Variants in BRINP1 observed in about 807,000 individuals in gnomAD.
BRINP1 encodes the protein BMP/retinoic acid inducible neural specific 1.
BRINP1 carries 17 observed loss-of-function variants against 72.9 expected under a neutral mutation model. The ratio of observed to expected loss-of-function variants is 0.23; its 90% CI spans 0.16 to 0.35. BRINP1 has a LOEUF of 0.35. Among genes scored for constraint, BRINP1 ranks in the 10% least tolerant of loss-of-function variants. The probability of loss-of-function intolerance (pLI) is 1.00; values close to 1 mark genes in which losing one functional copy is unlikely to be tolerated. For missense variants in BRINP1, 850 were observed against 1,001.6 expected, an observed-to-expected ratio of 0.85 and a Z score of 2.04; for synonymous variants, 418 against 378.5, an observed-to-expected ratio of 1.10 and a Z score of -1.21.
chr9:119,256,294 T>C (rs1246081727), intron 2 of BRINP1, among the ~76,000 whole-genome samples: 1 of 152,142 alleles, frequency 6.6e-6, no homozygotes. Flanking sequence ...AGCAGCTACA[T>C]TGGAAAGCTG....
intron 2 of BRINP1, among the ~76,000 whole-genome samples, chr9:119,280,480 G>A (rs927088581): frequency 2.6e-5 from 4 of 151,168 alleles, no homozygotes; most frequent in East Asian, 1.9e-4. Context: ...TCCTGACCTC[G>A]TGATCCGCCT....
chr9:119,268,285 T>TAGATAGATAGAC (rs371343100), intron 2 of BRINP1, among the ~76,000 whole-genome samples: 46,450 of 148,468 alleles, frequency 0.31, 8,480 homozygotes, highest in East Asian at 0.52. Context: ...GATAGATAGA[T>TAGATAGATAGAC]AGATAGATAG....
At chr9:119,226,420 C>G (rs548597284) in intron 5 of BRINP1, among the ~76,000 whole-genome samples, 1 of 152,108 alleles carries the variant, frequency 6.6e-6, no homozygotes, top group South Asian at 2.1e-4. Context: ...GCGTACTTGG[C>G]CACAAGTTTA....
At position 119,196,322 on chromosome 9, in the gene BRINP1, A is replaced by G. The variant is rs191739486; in HGVS notation, c.1145+12397T>C. ...TCCAGGTGACGGTGATGCCAATCCCAGTTTGGGAAGCAGTGCTTTAATCCA... is the reference window on the plus strand; with the variant it reads ...TCCAGGTGACGGTGATGCCAATCCCGGTTTGGGAAGCAGTGCTTTAATCCA... On this transcript the variant is annotated intron_variant, in intron 7 of 7. Transcript: ENST00000265922. Among the ~76,000 whole-genome samples, 535 of 152,300 alleles carry G rather than the reference A, an allele frequency of 3.5e-3. 5 individuals carry two copies. Among genetic ancestry groups the G allele is most frequent in the Non-Finnish European group, 4.6e-3 (316 of 68,018 alleles).
chr9:119,331,460 G>C (rs973711747), intron 1 of BRINP1, among the ~76,000 whole-genome samples: 21 of 152,338 alleles, frequency 1.4e-4, no homozygotes, highest in African/African-American at 5.1e-4. Flanking sequence ...AGCACACAGA[G>C]CCCAAAGAAA....
intron 2 of BRINP1, among the ~76,000 whole-genome samples, chr9:119,275,414 G>A (rs942081495): frequency 7.2e-5 from 11 of 152,068 alleles, no homozygotes; most frequent in African/African-American, 1.4e-4. Context: ...CTTTGACACC[G>A]TCCATCACAG....
chr9:119,187,106 C>G (rs1829631001), intron 7 of BRINP1, among the ~76,000 whole-genome samples: 1 of 151,742 alleles, frequency 6.6e-6, no homozygotes. Context: ...TACTGAAGTG[C>G]CTTGGAATCG....
intron 1 of BRINP1, among the ~76,000 whole-genome samples, chr9:119,367,815 A>G (rs764481344): frequency 2.9e-4 from 43 of 150,490 alleles, no homozygotes; most frequent in Non-Finnish European, 5.2e-4. Context: ...GTACTGAAAC[A>G]CTCTCTCTCT....
At chr9:119,254,400 C>T (rs1270004893) in intron 2 of BRINP1, among the ~76,000 whole-genome samples, 1 of 151,884 alleles carries the variant, frequency 6.6e-6, no homozygotes, top group Non-Finnish European at 1.5e-5. Flanking sequence ...GAGGGAGGGA[C>T]CATAGGGCCA....
chr9:119,223,189 A>T (rs1348225123), intron 5 of BRINP1, among the ~76,000 whole-genome samples: 1 of 152,122 alleles, frequency 6.6e-6, no homozygotes, highest in Non-Finnish European at 1.5e-5. Flanking sequence ...CTTCTTTCAT[A>T]AAGCTAGTGT....
intron 1 of BRINP1, among the ~76,000 whole-genome samples, chr9:119,366,249 G>A (rs1831689847): frequency 3.3e-5 from 5 of 152,100 alleles, no homozygotes; most frequent in Admixed American, 1.3e-4. Flanking sequence ...TTAATGTCTA[G>A]GGGTGAGATT....
intron 1 of BRINP1, among the ~76,000 whole-genome samples, chr9:119,345,520 A>T (rs919800165): frequency 7.2e-5 from 11 of 152,154 alleles, no homozygotes; most frequent in Non-Finnish European, 1.5e-5. Flanking sequence ...TTGCTACCCC[A>T]TCTTACTGTC....
intron 7 of BRINP1, among the ~76,000 whole-genome samples, chr9:119,176,681 T>C (rs1056485873): frequency 6.6e-6 from 1 of 152,148 alleles, no homozygotes; most frequent in Non-Finnish European, 1.5e-5. Context: ...CACAGAGCAA[T>C]TACGGAAAAG....
chr9:119,283,360 C>CT, intron 2 of BRINP1: 1 of 175,374 alleles, frequency 5.7e-6, no homozygotes, highest in South Asian at 1.9e-4. Context: ...TTGGCAAGCC[C>CT]TCTTGCTAAC....
chr9:119,295,766 G>C (rs538112097), intron 2 of BRINP1, among the ~76,000 whole-genome samples: 12 of 152,210 alleles, frequency 7.9e-5, no homozygotes, highest in African/African-American at 2.9e-4. Context: ...TTCAACAAGG[G>C]TTCCAACCAC....
At chr9:119,346,203 A>G (rs1156768925) in intron 1 of BRINP1, among the ~76,000 whole-genome samples, 1 of 152,220 alleles carries the variant, frequency 6.6e-6, no homozygotes, top group Non-Finnish European at 1.5e-5. Flanking sequence ...ATGACCTACT[A>G]TGGGCAAGAC....
At chr9:119,338,910 C>A (rs567576184) in intron 1 of BRINP1, among the ~76,000 whole-genome samples, 165 of 143,296 alleles carry the variant, frequency 1.2e-3, no homozygotes, top group East Asian at 2.2e-3. Context: ...CAAAAAAAAA[C>A]AACAACAAAA....
intron 2 of BRINP1, among the ~76,000 whole-genome samples, chr9:119,287,115 G>T (rs1409366899): frequency 3.3e-5 from 5 of 150,752 alleles, no homozygotes; most frequent in Non-Finnish European, 5.9e-5. Context: ...CTTCTCTAAG[G>T]GTATCCCATC....
At chr9:119,201,097 C>T (rs1330082043) in intron 7 of BRINP1, among the ~76,000 whole-genome samples, 3 of 152,054 alleles carry the variant, frequency 2.0e-5, no homozygotes, top group Non-Finnish European at 4.4e-5. Context: ...TAAGTAGTAA[C>T]CAAAAAGTTT....
Sources: gnomAD v4.1 joint callset for allele counts (sites outside exome capture counted in the v4.1 genomes callset) on GRCh38, gnomAD v4.1.1 for gene constraint, MANE v1.5 for transcripts, NCBI Gene and HGNC (gene_info 2026-07-23, HGNC 2026-07-21) for gene names.